The following ABHD2 variants were observed in gnomAD, a reference collection of about 807,000 sequenced individuals.
ABHD2 encodes the protein abhydrolase domain containing 2, acylglycerol lipase, also known as monoacylglycerol lipase ABHD2.
A neutral mutation model predicts 48.1 loss-of-function variants in ABHD2; 20 were observed. The ratio of observed to expected loss-of-function variants is 0.42; its 90% CI spans 0.29 to 0.60. The LOEUF (loss-of-function observed/expected upper bound fraction) is 0.60. Ranked by LOEUF, ABHD2 falls within the 20% of genes least tolerant of loss-of-function variation. The pLI is 0.24. For synonymous variants in ABHD2, 209 were observed against 214.2 expected (o/e 0.98, Z 0.21); for missense variants, 405 against 550.9 (o/e 0.74, Z 2.65).
the ABHD2 span, among the ~76,000 whole-genome samples, chr15:89,062,755 A>G: frequency 6.6e-6 from 1 of 152,232 alleles, no homozygotes; most frequent in East Asian, 1.9e-4. Context: ...GACTAGCAAT[A>G]AAAGAATAGG....
At position 89,185,032 on chromosome 15, in the gene ABHD2, C is replaced by T. The variant is rs1412568374; in HGVS notation, c.723-392C>T. ...CCACTCTCCCGTTCCATGTGCCAGTCATTAAACCAGAAAACTTGCCTGCCA... is the reference window on the plus strand; with the variant it reads ...CCACTCTCCCGTTCCATGTGCCAGTTATTAAACCAGAAAACTTGCCTGCCA... On this transcript the variant is annotated intron_variant, in intron 6 of 10. Transcript: ENST00000352732. The surrounding 1 kb of genome is among the most constrained non-coding windows in gnomAD (Gnocchi z 5.9). Among the ~76,000 whole-genome samples, 2 of 152,244 alleles carry T rather than the reference C, an allele frequency of 1.3e-5. No homozygotes were observed. Among genetic ancestry groups the T allele is most frequent in the African/African-American group, 4.8e-5 (2 of 41,468 alleles).
At chr15:89,112,650 T>A (rs537688069) in intron 1 of ABHD2, among the ~76,000 whole-genome samples, 1 of 152,244 alleles carries the variant, frequency 6.6e-6, no homozygotes, top group Non-Finnish European at 1.5e-5. Flanking sequence ...AAAAAGAAAT[T>A]GGGCTTGAAT....
chr15:89,065,431 G>A, the ABHD2 span, among the ~76,000 whole-genome samples: 1 of 152,162 alleles, frequency 6.6e-6, no homozygotes, highest in South Asian at 2.1e-4. Context: ...GGGAGGTCCT[G>A]ACCTCTGGTG....
chr15:89,147,554 C>T (rs929283527), intron 3 of ABHD2, among the ~76,000 whole-genome samples: 6 of 150,926 alleles, frequency 4.0e-5, no homozygotes, highest in Middle Eastern at 3.4e-3. Flanking sequence ...GGGGTTTCAC[C>T]GTGTTAGCCA....
intron 5 of ABHD2, among the ~76,000 whole-genome samples, chr15:89,169,676 A>G (rs2050888963): frequency 6.6e-6 from 1 of 152,246 alleles, no homozygotes; most frequent in African/African-American, 2.4e-5. Flanking sequence ...TCCCCAGCAC[A>G]AACCATTGCT....
chr15:89,091,844 T>C lies in ABHD2; in HGVS notation c.-107+3281T>C, dbSNP rs1328575831. Among the ~76,000 whole-genome samples, 1 of 152,234 alleles carries C rather than the reference T, an allele frequency of 6.6e-6. No homozygotes were observed. ...AGTATAGATGATGTGGGGCATGAGT[T>C]GCTTTAGCCTTTCTGTTTCATCTTG... On this transcript the variant is annotated intron_variant, in intron 1 of 10. Transcript: ENST00000352732. This position sits in a 1 kb window ranked among gnomAD's most constrained non-coding sequence, Gnocchi z 5.5.
chr15:89,201,756 A>C lies in ABHD2; in HGVS notation c.*6333A>C. On this transcript the variant is annotated 3_prime_UTR_variant, in exon 11 of 11. Coordinates refer to ENST00000352732, the MANE Select transcript of ABHD2 (RefSeq NM_152924.5). The stretch of plus-strand genomic sequence containing the variant: ...TTTGAGGTCTATGGGCGGGTCGAGG[A>C]CCAGGATCTGCTCGTGCTTCGCCGT... The C allele has an allele frequency of 6.5e-7, 1 of 1,545,744 alleles. No homozygotes were observed. Among genetic ancestry groups the C allele is most frequent in the Non-Finnish European group, 8.9e-7 (1 of 1,118,852 alleles).
At position 89,176,450 on chromosome 15, in the gene ABHD2, T is replaced by C. The variant is rs1376763317; in HGVS notation, c.722+455T>C. Among the ~76,000 whole-genome samples, 1 of 152,152 alleles carries C rather than the reference T, an allele frequency of 6.6e-6. No individual in the cohort carries two copies. Among genetic ancestry groups the C allele is most frequent in the Non-Finnish European group, 1.5e-5 (1 of 68,026 alleles). On this transcript the variant is annotated intron_variant, in intron 6 of 10. Transcript: ENST00000352732. The surrounding 1 kb of genome is among the most constrained non-coding windows in gnomAD (Gnocchi z 4.5). ...TCTGGAAGGGATCTGTAGAAATCAT[T>C]TAATCAGTGTCCTCACCTTTAAGTA... is the stretch of plus-strand genomic sequence containing the variant.
intron 3 of ABHD2, among the ~76,000 whole-genome samples, chr15:89,119,142 G>T (rs2050008240): frequency 6.6e-6 from 1 of 152,200 alleles, no homozygotes; most frequent in Admixed American, 6.5e-5. Flanking sequence ...GATTGTTTAT[G>T]ACTTAGCTAT....
chr15:89,074,388 A>G, the ABHD2 span, among the ~76,000 whole-genome samples: 1 of 151,730 alleles, frequency 6.6e-6, no homozygotes, highest in Admixed American at 6.6e-5. Flanking sequence ...AAAAAAAAAA[A>G]GAGTCACCTG....
At chr15:89,081,150 C>T in the ABHD2 span, among the ~76,000 whole-genome samples, 1 of 150,982 alleles carries the variant, frequency 6.6e-6, no homozygotes, top group African/African-American at 2.4e-5. Flanking sequence ...CAGGAGCACG[C>T]CACCATGCCC....
intron 5 of ABHD2, among the ~76,000 whole-genome samples, chr15:89,171,114 C>G (rs2050920407): frequency 7.1e-6 from 1 of 141,408 alleles, no homozygotes; most frequent in South Asian, 2.1e-4. Context: ...AACTCCATCT[C>G]CAAAAGAAAA....
chr15:89,042,492 C>T, the ABHD2 span, among the ~76,000 whole-genome samples: 2 of 152,110 alleles, frequency 1.3e-5, no homozygotes, highest in Non-Finnish European at 2.9e-5. Context: ...CACCGAGTGC[C>T]ACCTCCTCCA....
intron 1 of ABHD2, chr15:89,093,591 G>C (rs1356354666): frequency 6.6e-6 from 1 of 152,428 alleles, no homozygotes; most frequent in Non-Finnish European, 1.5e-5. Flanking sequence ...TTCTGTTTGG[G>C]TAGCTTTAAG....
chr15:89,043,989 G>A, the ABHD2 span, among the ~76,000 whole-genome samples: 1 of 151,732 alleles, frequency 6.6e-6, no homozygotes, highest in East Asian at 1.9e-4. Context: ...TGCCATGCTG[G>A]TGTGCTGCAC....
chr15:89,192,352 T>C (rs1343216357), intron 9 of ABHD2, among the ~76,000 whole-genome samples: 1 of 152,230 alleles, frequency 6.6e-6, no homozygotes, highest in Non-Finnish European at 1.5e-5. Context: ...GGCTGTTCAG[T>C]GACATCTGAG....
rs115533232 is a variant in ABHD2 at position 89,158,557 on chromosome 15, T to C, written c.538+3023T>C. ...TCCGATGCCCCAGCACTGCCACTGA[T>C]GCTGTGTGGCTCGAGCAGTTTCTTA... On this transcript the variant is annotated intron_variant, in intron 5 of 10. Transcript: ENST00000352732. 9.2e-3 allele frequency among the ~76,000 whole-genome samples: 1,396 copies of C among 152,348 alleles called. 20 individuals are homozygous for C. The highest frequency in any genetic ancestry group is 0.032 in the African/African-American group (1,327 of 41,578).
At chr15:89,045,260 C>G in the ABHD2 span, among the ~76,000 whole-genome samples, 1 of 151,772 alleles carries the variant, frequency 6.6e-6, no homozygotes, top group African/African-American at 2.4e-5. Flanking sequence ...TTCCATTGAT[C>G]TATATCTCTG....
chr15:89,172,449 G>A (rs2050945762), intron 5 of ABHD2, among the ~76,000 whole-genome samples: 2 of 152,218 alleles, frequency 1.3e-5, no homozygotes, highest in Admixed American at 6.5e-5. Context: ...CATGTGACGG[G>A]ATGTCCTTCC....
Sources: gnomAD v4.1 joint callset for allele counts (sites outside exome capture counted in the v4.1 genomes callset) on GRCh38, gnomAD v4.1.1 for gene constraint, Gnocchi (gnomAD v3.1) non-coding constraint, MANE v1.5 for transcripts, NCBI Gene and HGNC (gene_info 2026-07-23, HGNC 2026-07-21) for gene names.